The following UTRN variants were observed in gnomAD, a reference collection of about 807,000 sequenced individuals.
UTRN encodes utrophin, also known as dystrophin-related protein 1.
In UTRN, 283 loss-of-function variants were observed where a neutral mutation model predicts 463.9. The observed-to-expected ratio is 0.61, with a 90% CI of 0.55 to 0.67. The LOEUF (loss-of-function observed/expected upper bound fraction) is 0.67, where lower values mean the gene tolerates loss of function less well. UTRN is among the 30% of genes least tolerant of loss of function. The pLI, the probability that UTRN is intolerant of heterozygous loss-of-function variation, is 0.00. For missense variants in UTRN, 3,922 were observed against 4,084.3 expected (o/e 0.96, Z 1.08); for synonymous variants, 1,442 against 1,431.5 (o/e 1.01, Z -0.17).
At chr6:144,374,464 A>T (rs1219716808) in intron 2 of UTRN, among the ~76,000 whole-genome samples, 1 of 151,472 alleles carries the variant, frequency 6.6e-6, no homozygotes, top group Non-Finnish European at 1.5e-5. Context: ...CAATATGGTG[A>T]AACCCCATCT....
At chr6:144,711,182 C>T (rs938795318) in intron 53 of UTRN, among the ~76,000 whole-genome samples, 17 of 151,774 alleles carry the variant, frequency 1.1e-4, no homozygotes, top group Non-Finnish European at 1.6e-4. Flanking sequence ...GGTGTGGTGG[C>T]GGGTGCCTAT....
At chr6:144,584,966 A>T (rs1248204373) in intron 51 of UTRN, among the ~76,000 whole-genome samples, 3 of 152,150 alleles carry the variant, frequency 2.0e-5, no homozygotes, top group Non-Finnish European at 4.4e-5. Context: ...TTTTTTAACT[A>T]CCAGTATGAA....
chr6:144,440,771 T>C (rs990648932), intron 13 of UTRN, among the ~76,000 whole-genome samples: 2 of 152,112 alleles, frequency 1.3e-5, no homozygotes, highest in Non-Finnish European at 2.9e-5. Flanking sequence ...ACACTGCTGA[T>C]AAAGACATAC....
intron 56 of UTRN, among the ~76,000 whole-genome samples, chr6:144,754,009 G>A (rs756553901): frequency 6.6e-6 from 1 of 152,032 alleles, no homozygotes; most frequent in Non-Finnish European, 1.5e-5. Flanking sequence ...ATAAGATGTT[G>A]CATACTCACA....
intron 51 of UTRN, among the ~76,000 whole-genome samples, chr6:144,677,278 C>G (rs1402229587): frequency 6.6e-6 from 1 of 152,036 alleles, no homozygotes; most frequent in African/African-American, 2.4e-5. Context: ...CGCCCTACCC[C>G]CCGACATCCC....
chr6:144,324,487 C>T (rs2114591187), intron 2 of UTRN, among the ~76,000 whole-genome samples: 1 of 152,238 alleles, frequency 6.6e-6, no homozygotes, highest in Non-Finnish European at 1.5e-5. Flanking sequence ...ACAGTTACAG[C>T]TGATGTTATT....
At chr6:144,724,890 T>C (rs1467493318) in intron 53 of UTRN, among the ~76,000 whole-genome samples, 1 of 152,260 alleles carries the variant, frequency 6.6e-6, no homozygotes, top group African/African-American at 2.4e-5. Context: ...ATAAGGCTAC[T>C]ATAAACATTC....
At chr6:144,566,888 C>G (rs1186317650) in intron 50 of UTRN, among the ~76,000 whole-genome samples, 1 of 152,096 alleles carries the variant, frequency 6.6e-6, no homozygotes. Context: ...TAGCTCATGT[C>G]TGTAATCCAG....
At chr6:144,370,561 C>T (rs1363381565) in intron 2 of UTRN, among the ~76,000 whole-genome samples, 6 of 152,316 alleles carry the variant, frequency 3.9e-5, no homozygotes, top group Admixed American at 6.5e-5. Context: ...GGAAGGGACA[C>T]GTGAGGTGGG....
intron 23 of UTRN, among the ~76,000 whole-genome samples, chr6:144,465,645 T>A (rs1308085931): frequency 1.3e-5 from 2 of 152,166 alleles, no homozygotes; most frequent in Non-Finnish European, 1.5e-5. Flanking sequence ...CTCCTTTTTT[T>A]TGCTTTGTAG....
At chr6:144,417,836 C>G (rs1213993840) in intron 3 of UTRN, among the ~76,000 whole-genome samples, 1 of 152,134 alleles carries the variant, frequency 6.6e-6, no homozygotes, top group Non-Finnish European at 1.5e-5. Context: ...TGCAGGTCAT[C>G]ATATGACATA....
At chr6:144,429,462 G>T (rs1785596494) in intron 8 of UTRN, 119 bp from the exon 9 acceptor site, 1 of 854,098 alleles carries the variant, frequency 1.2e-6, no homozygotes, top group Non-Finnish European at 1.7e-6. Flanking sequence ...GTATTGCAAA[G>T]ATTATATATT....
intron 66 of UTRN, among the ~76,000 whole-genome samples, chr6:144,824,726 C>T (rs1427880033): frequency 8.7e-5 from 12 of 137,724 alleles, no homozygotes; most frequent in African/African-American, 3.3e-4. Context: ...CTCCCAGGCT[C>T]AAGTGTTCCT....
intron 2 of UTRN, among the ~76,000 whole-genome samples, chr6:144,363,072 T>C (rs192831969): frequency 1.3e-5 from 2 of 152,346 alleles, no homozygotes; most frequent in Non-Finnish European, 2.9e-5. Context: ...CATAGCACTT[T>C]TAATTTTATG....
intron 6 of UTRN, among the ~76,000 whole-genome samples, chr6:144,424,627 G>A (rs1377024249): frequency 6.6e-6 from 1 of 152,030 alleles, no homozygotes; most frequent in Non-Finnish European, 1.5e-5. Flanking sequence ...TCCTGGCATA[G>A]GGAAAAAAGT....
chr6:144,542,859 C>A lies in UTRN; in HGVS notation c.6584C>A (p.Thr2195Lys). The stretch of plus-strand genomic sequence containing the variant: ...CAGGAGCCCAGTTCTGTTTCACAGA[C>A]AAGGATTGCTGGTAAGATATGTTTA... ...CIQEPSSVSQ[T>K]RIAAHPNVQK... The change falls in exon 46 of 75, where the codon ACA (threonine) becomes AAA (lysine). Residue 2195 changes from threonine to lysine, a missense_variant. Thr to Lys is a moderately conservative substitution (Grantham distance 78, BLOSUM62 -1). Coordinates refer to ENST00000367545, the MANE Select transcript of UTRN (RefSeq NM_007124.3). 1.9e-6 allele frequency: 3 copies of A among 1,612,816 alleles called. No homozygotes were observed. The highest frequency in any genetic ancestry group is 2.5e-6 in the Non-Finnish European group (3 of 1,179,528).
At chr6:144,383,792 T>C (rs890148939) in intron 2 of UTRN, among the ~76,000 whole-genome samples, 2 of 152,164 alleles carry the variant, frequency 1.3e-5, no homozygotes, top group Non-Finnish European at 2.9e-5. Flanking sequence ...AGTTCTATCT[T>C]AAATACCATG....
At chr6:144,661,696 C>T (rs577235110) in intron 51 of UTRN, among the ~76,000 whole-genome samples, 5 of 152,246 alleles carry the variant, frequency 3.3e-5, no homozygotes, top group African/African-American at 1.2e-4. Context: ...GCATATGTTA[C>T]ATGAATAATT....
At position 144,493,320 on chromosome 6, in the gene UTRN, G is replaced by C. The variant is rs1409868500; in HGVS notation, c.4457G>C (p.Ser1486Thr). The C allele has an allele frequency of 1.2e-6, 2 of 1,613,980 alleles. No homozygotes were observed. The highest frequency in any genetic ancestry group is 1.7e-6 in the Non-Finnish European group (2 of 1,179,972). Residue 1486 changes from serine to threonine, a missense_variant, in exon 33 of 75, where the codon AGT becomes ACT. Transcript: ENST00000367545. ...DKCMKLYKTL[S>T]EVKLEVETVI... ...TTAAAGAAACTGTATAAAACTTTGAGTGAAGTCAAACTTGAAGTGGAAACT... is the reference window on the plus strand; with the variant it reads ...TTAAAGAAACTGTATAAAACTTTGACTGAAGTCAAACTTGAAGTGGAAACT...
Sources: gnomAD v4.1 joint callset for allele counts (sites outside exome capture counted in the v4.1 genomes callset) on GRCh38, gnomAD v4.1.1 for gene constraint, MANE v1.5 for transcripts, NCBI Gene and HGNC (gene_info 2026-07-23, HGNC 2026-07-21) for gene names.